Variants in STYX observed in about 807,000 individuals in gnomAD.
STYX encodes serine/threonine/tyrosine-interacting protein.
In STYX, 20 loss-of-function variants were observed where a neutral mutation model predicts 42.7. The observed-to-expected ratio is 0.47, with a 90% CI of 0.33 to 0.68. The LOEUF (loss-of-function observed/expected upper bound fraction) is 0.68. Among genes scored for constraint, STYX ranks in the 30% least tolerant of loss-of-function variants. The probability of loss-of-function intolerance (pLI) is 0.02; values close to 1 mark genes in which losing one functional copy is unlikely to be tolerated. For synonymous variants in STYX, 78 were observed against 81.9 expected (o/e 0.95, Z 0.26); for missense variants, 226 against 268.5 (o/e 0.84, Z 1.11).
rs1188510905 is a variant in STYX at position 52,732,098 on chromosome 14, T to G, written c.57+1567T>G. Reference sequence around the variant, plus strand: ...CCCAAGAATATACTCATGGTTTTTTTTTTTTTTTTTTTTTTGACACAGAGT... The same window carrying G: ...CCCAAGAATATACTCATGGTTTTTTGTTTTTTTTTTTTTTTGACACAGAGT... On this transcript the variant is annotated intron_variant, in intron 1 of 10. Coordinates refer to ENST00000354586, the MANE Select transcript of STYX (RefSeq NM_145251.4). 9.2e-5 allele frequency among the ~76,000 whole-genome samples: 8 copies of G among 87,244 alleles called. No homozygotes were observed. The East Asian group carries it at 2.5e-3, about 28-fold the overall frequency. The allele number at this position is 87,244 out of a possible 152,430, so 57.2% of individuals were successfully genotyped here. A position where few individuals can be genotyped will look rare whatever the true frequency, so the allele number is the denominator to read the frequency against.
chr14:52,743,846 C>T (rs1431515693), intron 1 of STYX, among the ~76,000 whole-genome samples: 6 of 152,196 alleles, frequency 3.9e-5, no homozygotes, highest in African/African-American at 7.2e-5. Context: ...TTTTTTTAGA[C>T]GGGGTCTCAG....
intron 9 of STYX, among the ~76,000 whole-genome samples, chr14:52,763,309 A>T (rs1296172615): frequency 2.0e-5 from 3 of 151,934 alleles, no homozygotes; most frequent in African/African-American, 7.3e-5. Context: ...TTGTACTTTA[A>T]TATCTTTTGG....
In STYX at chr14:52,757,639, C is replaced by G. The variant is rs950141797; in HGVS notation, c.341-104C>G. ...CAAATTGTAAAGATTTGAAGATATC[C>G]AAGTGATTATAGTATATAAGGAGTT... On this transcript the variant is annotated intron_variant, in intron 6 of 10. Coordinates refer to ENST00000354586, the MANE Select transcript of STYX (RefSeq NM_145251.4). 9.8e-6 allele frequency: 10 copies of G among 1,023,434 alleles called. No individual in the cohort carries two copies. The African/African-American group carries it at 1.3e-4, about 13-fold the overall frequency. 63.4% of individuals were successfully genotyped at this position (1,023,434 alleles called of 1,614,324 possible). A position where few individuals can be genotyped will look rare whatever the true frequency, so the allele number is the denominator to read the frequency against.
At chr14:52,731,508 G>C (rs1433515038) in intron 1 of STYX, 2 of 139,832 alleles carry the variant, frequency 1.4e-5, no homozygotes, top group African/African-American at 5.4e-5. Context: ...CGCGATCTCG[G>C]CTCACTGCAA....
Position 52,741,926 on chromosome 14 carries a change from C to T in STYX, c.58-2926C>T, listed in dbSNP as rs945086633. 3.9e-5 allele frequency among the ~76,000 whole-genome samples: 6 copies of T among 152,080 alleles called. No homozygotes were observed. The East Asian group carries it at 1.2e-3, about 29-fold the overall frequency. ...CAGTTGTTTCTGCTTCCTGTGGTGG[C>T]TCATTTCCTGTTTTTAAATTAGTTT... is the stretch of plus-strand genomic sequence containing the variant. On this transcript the variant is annotated intron_variant, in intron 1 of 10. Coordinates refer to ENST00000354586, the MANE Select transcript of STYX (RefSeq NM_145251.4).
chr14:52,747,139 C>T (rs1412832586), intron 3 of STYX, among the ~76,000 whole-genome samples: 3 of 152,078 alleles, frequency 2.0e-5, no homozygotes, highest in Non-Finnish European at 2.9e-5. Flanking sequence ...ATATTCAATC[C>T]GTATAGATAT....
chr14:52,730,278 T>A lies in STYX; in HGVS notation c.-197T>A. 1 of 604,398 alleles carries A rather than the reference T, an allele frequency of 1.7e-6. No individual in the cohort carries two copies. The highest frequency in any genetic ancestry group is 1.9e-5 in the South Asian group (1 of 52,062). 37.4% of individuals were successfully genotyped at this position (604,398 alleles called of 1,614,324 possible). On this transcript the variant is annotated 5_prime_UTR_variant, in exon 1 of 11. Coordinates refer to ENST00000354586, the MANE Select transcript of STYX (RefSeq NM_145251.4). The stretch of plus-strand genomic sequence containing the variant: ...CCGGGTGTAAGACGCCCGACCCTCC[T>A]CTTCCCTGTCTTCGCCGCCGCCGCT...
intron 8 of STYX, among the ~76,000 whole-genome samples, chr14:52,758,893 G>GA (rs1186221804): frequency 2.0e-5 from 3 of 151,902 alleles, no homozygotes; most frequent in Non-Finnish European, 4.4e-5. Flanking sequence ...ATATTTAATT[G>GA]AAAAAAGATT....
chr14:52,744,482 T>C (rs1456829631), intron 1 of STYX, among the ~76,000 whole-genome samples: 1 of 152,204 alleles, frequency 6.6e-6, no homozygotes, highest in African/African-American at 2.4e-5. Flanking sequence ...TTTAGGTATC[T>C]GCTGTCAGTT....
chr14:52,752,348 C>G (rs191568518), intron 4 of STYX, among the ~76,000 whole-genome samples: 27 of 151,894 alleles, frequency 1.8e-4, no homozygotes, highest in African/African-American at 6.5e-4. Flanking sequence ...GCCTGTAGTC[C>G]CAGCTACTCA....
At chr14:52,766,803 G>C (rs1218384647) in intron 9 of STYX, among the ~76,000 whole-genome samples, 1 of 145,136 alleles carries the variant, frequency 6.9e-6, no homozygotes, top group African/African-American at 2.5e-5. Context: ...TTTTTTCTTT[G>C]TTATTTGCTA....
Position 52,730,407 on chromosome 14 carries a change from G to A in STYX, c.-68G>A. 1 of 1,568,454 alleles carries A rather than the reference G, an allele frequency of 6.4e-7. No individual in the cohort carries two copies. The highest frequency in any genetic ancestry group is 8.7e-7 in the Non-Finnish European group (1 of 1,149,346). ...GGCCCTCCTTCCTTCCGCCGCCGCAGCCAGCCCGAGGGTCGGCCGGCTGTG... is the reference window on the plus strand; with the variant it reads ...GGCCCTCCTTCCTTCCGCCGCCGCAACCAGCCCGAGGGTCGGCCGGCTGTG... On this transcript the variant is annotated 5_prime_UTR_variant, in exon 1 of 11. Transcript: ENST00000354586.
intron 1 of STYX, among the ~76,000 whole-genome samples, chr14:52,736,181 C>T (rs549651061): frequency 2.0e-5 from 3 of 152,178 alleles, no homozygotes; most frequent in Non-Finnish European, 2.9e-5. Flanking sequence ...TTACCCTCAC[C>T]TAATTAACTG....
rs374622499 is a variant in STYX at position 52,752,871 on chromosome 14, TTG to T, written c.242+2093_242+2094del. On this transcript the variant is annotated intron_variant, in intron 4 of 10. Transcript: ENST00000354586. ...CTTTCGTTTTTAATTTTGTTTTTTT[TTG>T]TTGTTGTTGTTTTTTTTTTTTTTTT... Among the ~76,000 whole-genome samples the T allele has an allele frequency of 4.4e-3, 589 of 134,194 alleles. 5 individuals are homozygous for T. Among genetic ancestry groups the T allele is most frequent in the African/African-American group, 0.016 (567 of 36,580 alleles). 88.0% of individuals were successfully genotyped at this position (134,194 alleles called of 152,430 possible).
intron 1 of STYX, among the ~76,000 whole-genome samples, chr14:52,732,266 CTTT>C (rs529730082): frequency 8.9e-6 from 1 of 112,300 alleles, no homozygotes; most frequent in African/African-American, 3.6e-5. Context: ...CCAGGCCCAG[CTTT>C]TTTTTTTTTT....
intron 3 of STYX, among the ~76,000 whole-genome samples, chr14:52,747,407 A>G (rs2139898141): frequency 6.6e-6 from 1 of 152,304 alleles, no homozygotes; most frequent in South Asian, 2.1e-4. Context: ...TTAAAAGGTC[A>G]TTGATTTTGA....
At chr14:52,764,966 G>C (rs934778155) in intron 9 of STYX, among the ~76,000 whole-genome samples, 1 of 152,080 alleles carries the variant, frequency 6.6e-6, no homozygotes, top group Non-Finnish European at 1.5e-5. Flanking sequence ...ACGGCGCCCA[G>C]CCCTTAATCC....
At chr14:52,748,823 G>A (rs1208195386) in intron 3 of STYX, among the ~76,000 whole-genome samples, 3 of 152,182 alleles carry the variant, frequency 2.0e-5, no homozygotes. Flanking sequence ...AGGACTTAAT[G>A]TTGAATTTGT....
chr14:52,749,186 A>G (rs1594871412), intron 3 of STYX, among the ~76,000 whole-genome samples: 1 of 152,050 alleles, frequency 6.6e-6, no homozygotes. Flanking sequence ...CGGCCAAGAG[A>G]ACGAGTTCTT....
Sources: gnomAD v4.1 joint callset for allele counts (sites outside exome capture counted in the v4.1 genomes callset) on GRCh38, gnomAD v4.1.1 for gene constraint, MANE v1.5 for transcripts, NCBI Gene and HGNC (gene_info 2026-07-23, HGNC 2026-07-21) for gene names.